DNAH11: variants seen among roughly 807,000 people sequenced by gnomAD.
The protein encoded by DNAH11 is dynein axonemal heavy chain 11.
Under a neutral mutation model 526.0 loss-of-function variants are expected in DNAH11, and 442 were observed. The observed-to-expected ratio is 0.84, with a 90% CI of 0.78 to 0.91. The LOEUF (loss-of-function observed/expected upper bound fraction) is 0.91. Ranked by LOEUF, DNAH11 falls within the 40% of genes least tolerant of loss-of-function variation. The probability of loss-of-function intolerance (pLI) is 0.00; values close to 1 mark genes in which losing one functional copy is unlikely to be tolerated. For synonymous variants in DNAH11, 2,461 were observed against 1,935.9 expected, an observed-to-expected ratio of 1.27 and a Z score of -7.12; for missense variants, 6,989 against 5,448.7, an observed-to-expected ratio of 1.28 and a Z score of -8.90.
chr7:21,580,655 C>T (rs987642628), intron 8 of DNAH11, among the ~76,000 whole-genome samples: 4 of 152,136 alleles, frequency 2.6e-5, no homozygotes, highest in African/African-American at 9.7e-5. Flanking sequence ...CTAGCCATGT[C>T]CTTACTTGGT....
intron 25 of DNAH11, among the ~76,000 whole-genome samples, chr7:21,633,183 C>G (rs1300511332): frequency 2.0e-5 from 3 of 152,316 alleles, no homozygotes; most frequent in East Asian, 3.9e-4. Context: ...TGTGAAAATT[C>G]AAGATGAGAT....
chr7:21,698,423 G>A (rs540512676), intron 36 of DNAH11, among the ~76,000 whole-genome samples: 28 of 152,048 alleles, frequency 1.8e-4, no homozygotes, highest in Admixed American at 1.8e-3. Flanking sequence ...GTGCACCTGA[G>A]GAGTGTACAC....
At chr7:21,741,422 T>C (rs1164021079) in intron 48 of DNAH11, among the ~76,000 whole-genome samples, 1 of 152,188 alleles carries the variant, frequency 6.6e-6, no homozygotes, top group Non-Finnish European at 1.5e-5. Flanking sequence ...TGTTTGCAGG[T>C]TTTGTGTTTG....
intron 30 of DNAH11, among the ~76,000 whole-genome samples, chr7:21,667,941 C>G (rs945105776): frequency 1.3e-5 from 2 of 152,078 alleles, no homozygotes; most frequent in African/African-American, 4.8e-5. Context: ...GATGGGCACT[C>G]CTTCCTAAAT....
intron 9 of DNAH11, among the ~76,000 whole-genome samples, chr7:21,584,882 A>G (rs1186554513): frequency 2.0e-5 from 3 of 151,938 alleles, no homozygotes; most frequent in East Asian, 1.9e-4. Context: ...ATTTTTTTAC[A>G]TGTGTGATAG....
chr7:21,705,318 C>G (rs771413466), intron 38 of DNAH11, 142 bp from the exon 39 acceptor site: 3 of 722,906 alleles, frequency 4.1e-6, no homozygotes, highest in Admixed American at 5.5e-5. Flanking sequence ...CACTTATGGT[C>G]TATTTTAACT....
chr7:21,637,976 G>T (rs1786948047), intron 27 of DNAH11, among the ~76,000 whole-genome samples: 1 of 151,926 alleles, frequency 6.6e-6, no homozygotes, highest in South Asian at 2.1e-4. Flanking sequence ...TGACATGATT[G>T]ATTGATCAAT....
intron 61 of DNAH11, among the ~76,000 whole-genome samples, chr7:21,794,895 G>A (rs1788644056): frequency 6.6e-6 from 1 of 152,098 alleles, no homozygotes; most frequent in Non-Finnish European, 1.5e-5. Context: ...ACGAGTCTGG[G>A]GGGCATTTTC....
In DNAH11 at chr7:21,663,628, T is replaced by A. The variant is rs555799654; in HGVS notation, c.5328+4597T>A. 7.9e-5 allele frequency among the ~76,000 whole-genome samples: 12 copies of A among 152,188 alleles called. No individual in the cohort carries two copies. The East Asian group carries it at 1.2e-3, about 15-fold the overall frequency. On this transcript the variant is annotated intron_variant, in intron 30 of 81. Transcript: ENST00000409508. Reference sequence around the variant, plus strand: ...TTTTTGTATAACTTCTTTTGAAAAATGTTTATTCATGGAGTTTGACATTTT... The same window carrying A: ...TTTTTGTATAACTTCTTTTGAAAAAAGTTTATTCATGGAGTTTGACATTTT...
intron 2 of DNAH11, among the ~76,000 whole-genome samples, chr7:21,558,041 A>T (rs1783289904): frequency 6.6e-6 from 1 of 152,258 alleles, no homozygotes; most frequent in Non-Finnish European, 1.5e-5. Context: ...TTGTCAAACT[A>T]AACTCTAAAA....
chr7:21,815,373 C>T (rs1276522638), intron 63 of DNAH11, among the ~76,000 whole-genome samples: 1 of 152,132 alleles, frequency 6.6e-6, no homozygotes, highest in Non-Finnish European at 1.5e-5. Context: ...CAATATCACT[C>T]GGAGATAGGG....
At chr7:21,657,196 CTT>C (rs1034417660) in intron 29 of DNAH11, among the ~76,000 whole-genome samples, 2 of 152,134 alleles carry the variant, frequency 1.3e-5, no homozygotes, top group African/African-American at 4.8e-5. Flanking sequence ...ATTTCTGCCT[CTT>C]TTAATTGGCT....
chr7:21,870,792 A>AT (rs748575445), intron 73 of DNAH11, among the ~76,000 whole-genome samples: 19 of 152,242 alleles, frequency 1.2e-4, no homozygotes, highest in Non-Finnish European at 2.1e-4. Context: ...CAGACCTTTG[A>AT]TTTTTGTTGT....
intron 65 of DNAH11, among the ~76,000 whole-genome samples, chr7:21,819,875 C>G (rs1789981311): frequency 6.6e-6 from 1 of 152,140 alleles, no homozygotes; most frequent in Non-Finnish European, 1.5e-5. Context: ...ATAATATTTA[C>G]TGAATATGTA....
At chr7:21,870,651 A>T (rs951562804) in intron 73 of DNAH11, among the ~76,000 whole-genome samples, 1 of 152,226 alleles carries the variant, frequency 6.6e-6, no homozygotes, top group African/African-American at 2.4e-5. Context: ...TATTCAAAAT[A>T]AACTATTTCC....
At chr7:21,773,696 C>G in intron 55 of DNAH11, 70 bp from the exon 56 acceptor site, 1 of 976,834 alleles carries the variant, frequency 1.0e-6, no homozygotes, top group African/African-American at 4.2e-5. Context: ...TGATCATTTA[C>G]TTGATTTTTT....
intron 65 of DNAH11, among the ~76,000 whole-genome samples, chr7:21,838,131 T>C (rs1037036827): frequency 2.0e-5 from 3 of 152,162 alleles, no homozygotes; most frequent in African/African-American, 7.2e-5. Context: ...ACTCAAATAA[T>C]AGAAGGAATT....
At chr7:21,658,718 T>C in intron 29 of DNAH11, 80 bp from the exon 30 acceptor site, 1 of 1,227,768 alleles carries the variant, frequency 8.1e-7, no homozygotes, top group Non-Finnish European at 1.1e-6. Flanking sequence ...ACCCTCTGCG[T>C]GGCCTTAGAG....
At chr7:21,854,860 C>T (rs1782775574) in intron 68 of DNAH11, among the ~76,000 whole-genome samples, 1 of 151,942 alleles carries the variant, frequency 6.6e-6, no homozygotes, top group African/African-American at 2.4e-5. Flanking sequence ...ATTTTTAAGC[C>T]ATCGGTGTAC....
Sources: gnomAD v4.1 joint callset for allele counts (sites outside exome capture counted in the v4.1 genomes callset) on GRCh38, gnomAD v4.1.1 for gene constraint, MANE v1.5 for transcripts, NCBI Gene and HGNC (gene_info 2026-07-23, HGNC 2026-07-21) for gene names.